Variants in SBF2 observed in about 807,000 individuals in gnomAD.
The protein encoded by SBF2 is SET binding factor 2, also known as myotubularin-related protein 13.
A neutral mutation model predicts 225.2 loss-of-function variants in SBF2; 112 were observed. That is an observed-to-expected ratio of 0.50 (90% confidence interval 0.43 to 0.58). The LOEUF is 0.58. Ranked by LOEUF, SBF2 falls within the 20% of genes least tolerant of loss-of-function variation. The pLI is 0.00. For synonymous variants in SBF2, 763 were observed against 773.3 expected, an observed-to-expected ratio of 0.99 and a Z score of 0.22; for missense variants, 1,996 against 2,206.2, an observed-to-expected ratio of 0.90 and a Z score of 1.91.
At chr11:10,230,166 G>T (rs529170011) in intron 1 of SBF2, among the ~76,000 whole-genome samples, 2 of 152,140 alleles carry the variant, frequency 1.3e-5, no homozygotes, top group South Asian at 4.1e-4. Flanking sequence ...CGTTTGCTTG[G>T]TAGATCTTCC....
chr11:10,135,271 G>A (rs911600210), intron 2 of SBF2, among the ~76,000 whole-genome samples: 1 of 152,012 alleles, frequency 6.6e-6, no homozygotes, highest in African/African-American at 2.4e-5. Flanking sequence ...CCTGGCCCAG[G>A]AAACCATTTT....
At chr11:10,095,327 T>C (rs1951972317) in intron 2 of SBF2, among the ~76,000 whole-genome samples, 1 of 152,196 alleles carries the variant, frequency 6.6e-6, no homozygotes, top group South Asian at 2.1e-4. Flanking sequence ...ATTTAGTCTG[T>C]ATCAGCACTA....
rs145221882 is a variant in SBF2, at chr11:10,172,911, G to A, written c.141+20991C>T. ...TTGAACTACCGATCTCCACTGACCC[G>A]CCCACCTTGGCCTCCCAAAGTGCTG... On this transcript the variant is annotated intron_variant, in intron 2 of 39. Coordinates refer to ENST00000256190, the MANE Select transcript of SBF2 (RefSeq NM_030962.4). Among the ~76,000 whole-genome samples, 213 of 151,788 alleles carry A rather than the reference G, an allele frequency of 1.4e-3. 2 individuals carry two copies. Among genetic ancestry groups the A allele is most frequent in the African/African-American group, 4.6e-3 (192 of 41,358 alleles).
At chr11:10,062,436 T>A (rs1049288866) in intron 2 of SBF2, among the ~76,000 whole-genome samples, 2 of 152,136 alleles carry the variant, frequency 1.3e-5, no homozygotes, top group African/African-American at 4.8e-5. Flanking sequence ...ATGCAAACTA[T>A]GCATCTGACA....
At chr11:10,204,800 A>G (rs1352935444) in intron 1 of SBF2, among the ~76,000 whole-genome samples, 1 of 152,122 alleles carries the variant, frequency 6.6e-6, no homozygotes, top group Admixed American at 6.5e-5. Flanking sequence ...AGAAAAGTCA[A>G]ATTCAAAGAG....
At chr11:9,875,191 T>C (rs2134063081) in intron 17 of SBF2, among the ~76,000 whole-genome samples, 1 of 152,340 alleles carries the variant, frequency 6.6e-6, no homozygotes. Flanking sequence ...CCAATAATTA[T>C]GCCTAGAATT....
At chr11:10,070,845 G>T (rs1381301986) in intron 2 of SBF2, among the ~76,000 whole-genome samples, 2 of 152,124 alleles carry the variant, frequency 1.3e-5, no homozygotes, top group African/African-American at 4.8e-5. Flanking sequence ...TTGAGCAGTG[G>T]TTTGTAGTTC....
At chr11:9,852,866 A>G (rs550885442) in intron 20 of SBF2, 117 bp from the exon 21 acceptor site, 56 of 813,322 alleles carry the variant, frequency 6.9e-5, no homozygotes, top group Middle Eastern at 2.7e-4. Context: ...AAAAAAGTTA[A>G]AGAGAATTAC....
At chr11:10,203,056 G>C (rs888005036) in intron 1 of SBF2, among the ~76,000 whole-genome samples, 1 of 150,868 alleles carries the variant, frequency 6.6e-6, no homozygotes, top group African/African-American at 2.4e-5. Flanking sequence ...GGGTGGGGGG[G>C]TGAGAGGGGG....
At chr11:10,103,363 C>CT (rs1286626357) in intron 2 of SBF2, among the ~76,000 whole-genome samples, 1 of 152,104 alleles carries the variant, frequency 6.6e-6, no homozygotes, top group African/African-American at 2.4e-5. Context: ...AAAAGAAACA[C>CT]TATCAAATAT....
chr11:10,183,704 C>G (rs527947571), intron 2 of SBF2, among the ~76,000 whole-genome samples: 1 of 152,260 alleles, frequency 6.6e-6, no homozygotes, highest in Admixed American at 6.5e-5. Context: ...GGTCCAAAAA[C>G]CAATTTATGA....
At chr11:10,101,152 G>T (rs1008619509) in intron 2 of SBF2, among the ~76,000 whole-genome samples, 2 of 152,000 alleles carry the variant, frequency 1.3e-5, no homozygotes, top group African/African-American at 4.8e-5. Context: ...GGTCACATTC[G>T]GTGAGCCCTG....
chr11:9,860,226 G>A (rs1000967982), intron 17 of SBF2, among the ~76,000 whole-genome samples: 1 of 143,554 alleles, frequency 7.0e-6, no homozygotes, highest in Non-Finnish European at 1.5e-5. Context: ...ACCAACAATT[G>A]TTTCAGTAGC....
Position 10,029,865 on chromosome 11 carries a change from C to A in SBF2, c.413G>T (p.Gly138Val). The change falls in exon 5 of 40, where the codon GGT becomes GTT. Residue 138 changes from glycine (G) to valine (V), a missense_variant. Transcript: ENST00000256190. ...YYPEIFRACL[G>V]LIYTVYVDSL... ...GTCCACATACACGGTATAGATCAAA[C>A]CCAGGCAAGCCTGCAAAAAGATAAA... 2 of 1,609,232 alleles carry A rather than the reference C, an allele frequency of 1.2e-6. No individual in the cohort carries two copies. Among genetic ancestry groups the A allele is most frequent in the Non-Finnish European group, 1.7e-6 (2 of 1,175,620 alleles).
At chr11:9,994,644 T>C (rs1947609697) in intron 9 of SBF2, among the ~76,000 whole-genome samples, 2 of 149,362 alleles carry the variant, frequency 1.3e-5, no homozygotes, top group South Asian at 4.2e-4. Flanking sequence ...ATAGTAGTCA[T>C]TTCTGGTAAG....
At chr11:10,027,985 T>C (rs112323217) in intron 6 of SBF2, among the ~76,000 whole-genome samples, 2,390 of 152,266 alleles carry the variant, frequency 0.016, 56 homozygotes, top group African/African-American at 0.053. Context: ...TCATAGCTCA[T>C]TGCAGTCTTG....
chr11:9,895,648 GA>G (rs1861191468), intron 17 of SBF2, among the ~76,000 whole-genome samples: 1 of 152,196 alleles, frequency 6.6e-6, no homozygotes, highest in East Asian at 1.9e-4. Flanking sequence ...CTGTGATGGG[GA>G]AAAAACATGT....
At chr11:10,084,887 A>G (rs144808513) in intron 2 of SBF2, among the ~76,000 whole-genome samples, 2,500 of 152,290 alleles carry the variant, frequency 0.016, 31 homozygotes, top group South Asian at 0.039. Context: ...ATGTGTTCAC[A>G]TGGATGAGAG....
intron 2 of SBF2, among the ~76,000 whole-genome samples, chr11:10,044,787 T>C (rs551874231): frequency 7.2e-5 from 11 of 152,328 alleles, no homozygotes; most frequent in Non-Finnish European, 1.3e-4. Context: ...GAAGAACCAC[T>C]TCTACCCGCT....
Sources: allele counts gnomAD v4.1 joint callset (sites outside exome capture counted in the v4.1 genomes callset), GRCh38; gene constraint gnomAD v4.1.1; transcripts MANE v1.5; gene names NCBI Gene and HGNC (gene_info 2026-07-23, HGNC 2026-07-21).